The following PAM variants were observed in gnomAD, a reference collection of about 807,000 sequenced individuals.
PAM encodes peptidyl-glycine alpha-amidating monooxygenase.
In PAM, 72 loss-of-function variants were observed where a neutral mutation model predicts 122.1. The ratio of observed to expected loss-of-function variants is 0.59; its 90% confidence interval spans 0.49 to 0.72. The LOEUF is 0.72. PAM is among the 30% of genes least tolerant of loss of function. PAM has a pLI of 0.00. For synonymous variants in PAM, 389 were observed against 404.4 expected (o/e 0.96, Z 0.46); for missense variants, 1,106 against 1,183.7 (o/e 0.93, Z 0.96).
At chr5:102,772,975 G>A (rs1756219065) in intron 1 of PAM, among the ~76,000 whole-genome samples, 1 of 152,056 alleles carries the variant, frequency 6.6e-6, no homozygotes, top group African/African-American at 2.4e-5. Context: ...TAATATCAAG[G>A]TTTTGGCAGT....
At chr5:102,954,858 T>C (rs768121426) in intron 12 of PAM, among the ~76,000 whole-genome samples, 1 of 152,128 alleles carries the variant, frequency 6.6e-6, no homozygotes, top group Non-Finnish European at 1.5e-5. Context: ...GTTTTGTTGG[T>C]CATACCTTTC....
At chr5:102,817,014 A>G (rs1770067637) in intron 1 of PAM, among the ~76,000 whole-genome samples, 1 of 152,082 alleles carries the variant, frequency 6.6e-6, no homozygotes, top group South Asian at 2.1e-4. Context: ...AGAAATCATC[A>G]ATATTAACAT....
intron 1 of PAM, among the ~76,000 whole-genome samples, chr5:102,774,160 G>A (rs546313670): frequency 4.3e-4 from 66 of 152,170 alleles, no homozygotes; most frequent in Admixed American, 2.5e-3. Flanking sequence ...TGTGAATAGC[G>A]CTGCAGTGAA....
At chr5:102,842,130 A>C (rs1274651474) in intron 1 of PAM, among the ~76,000 whole-genome samples, 4 of 152,042 alleles carry the variant, frequency 2.6e-5, no homozygotes, top group Admixed American at 2.0e-4. Context: ...AGATGAGAGA[A>C]GGACTTACAA....
At chr5:103,011,957 A>G (rs1315491429) in intron 21 of PAM, among the ~76,000 whole-genome samples, 1 of 152,194 alleles carries the variant, frequency 6.6e-6, no homozygotes. Context: ...AGTCATTTTA[A>G]CTGGTGTTAG....
At chr5:102,769,883 A>G (rs185554404) in intron 1 of PAM, among the ~76,000 whole-genome samples, 1 of 151,960 alleles carries the variant, frequency 6.6e-6, no homozygotes, top group African/African-American at 2.4e-5. Flanking sequence ...TCTCACTTCT[A>G]TGGAGAATTT....
intron 1 of PAM, among the ~76,000 whole-genome samples, chr5:102,815,453 A>T (rs937423327): frequency 6.6e-6 from 1 of 152,166 alleles, no homozygotes; most frequent in African/African-American, 2.4e-5. Context: ...CTTCTGCATT[A>T]AATTACTAGT....
At position 102,766,926 on chromosome 5, in the gene PAM, A is replaced by ATTTTTTTTTTTTTTTTTTTTTTTTTT; in HGVS notation, c.-374+11584_-374+11609dup. On this transcript the variant is annotated intron_variant, in intron 1 of 25. Coordinates refer to ENST00000438793, the MANE Select transcript of PAM (RefSeq NM_001177306.2). ...ATTTATTTTATTGCTTCAGTTGTGG[A>ATTTTTTTTTTTTTTTTTTTTTTTTTT]TTTTTTTTTTTTTTTTTTTTTTTTT... Among the ~76,000 whole-genome samples the ATTTTTTTTTTTTTTTTTTTTTTTTTT allele has an allele frequency of 1.3e-3, 34 of 25,854 alleles. 13 individuals carry two copies. The highest frequency in any genetic ancestry group is 5.7e-3 in the East Asian group (4 of 702). 17.0% of individuals were successfully genotyped at this position (25,854 alleles called of 152,430 possible).
intron 21 of PAM, among the ~76,000 whole-genome samples, chr5:103,013,037 G>C (rs1299498455): frequency 6.6e-6 from 1 of 152,072 alleles, no homozygotes; most frequent in African/African-American, 2.4e-5. Context: ...TTTTTGCTCA[G>C]GTTAGTTTTG....
chr5:102,820,393 A>T (rs1229816617), intron 1 of PAM, among the ~76,000 whole-genome samples: 6 of 152,206 alleles, frequency 3.9e-5, no homozygotes, highest in Non-Finnish European at 7.3e-5. Flanking sequence ...TAAAATTTTT[A>T]TAACTGTTAG....
At chr5:102,886,101 C>T (rs1793004461) in intron 3 of PAM, among the ~76,000 whole-genome samples, 1 of 151,976 alleles carries the variant, frequency 6.6e-6, no homozygotes, top group South Asian at 2.1e-4. Context: ...AGATAGTTTC[C>T]TTGCATTTGC....
At chr5:102,760,832 G>A (rs994681503) in intron 1 of PAM, among the ~76,000 whole-genome samples, 1 of 150,884 alleles carries the variant, frequency 6.6e-6, no homozygotes, top group Non-Finnish European at 1.5e-5. Flanking sequence ...CAGGCCTCTT[G>A]GGGAAAAGAA....
In PAM at chr5:103,029,211, T is replaced by C; in HGVS notation, c.*146T>C. 1 of 539,232 alleles carries C rather than the reference T, an allele frequency of 1.9e-6. No homozygotes were observed. The highest frequency in any genetic ancestry group is 3.4e-5 in the East Asian group (1 of 29,386). The allele number at this position is 539,232 out of a possible 1,614,324, so 33.4% of individuals were successfully genotyped here. ...CACACTTTATTTACTTCGTTTTGGT[T>C]AAGTTGGCTTCTGTTTCTAGTTGAG... On this transcript the variant is annotated 3_prime_UTR_variant, in exon 26 of 26. Transcript: ENST00000438793.
At chr5:102,988,361 G>A (rs1772675309) in intron 15 of PAM, among the ~76,000 whole-genome samples, 2 of 143,026 alleles carry the variant, frequency 1.4e-5, no homozygotes, top group Admixed American at 1.3e-4. Context: ...AGGATTCTGG[G>A]CCCTCTCCTA....
chr5:102,988,981 G>A (rs747911368), intron 15 of PAM, among the ~76,000 whole-genome samples: 6 of 152,182 alleles, frequency 3.9e-5, no homozygotes, highest in South Asian at 4.2e-4. Context: ...TTTAATGTCC[G>A]TCTTTGAGGA....
chr5:102,939,981 G>A (rs1754564185), intron 7 of PAM, among the ~76,000 whole-genome samples: 1 of 151,904 alleles, frequency 6.6e-6, no homozygotes, highest in Non-Finnish European at 1.5e-5. Context: ...TAGTTTTGCT[G>A]CCAGGTTACC....
At chr5:102,974,534 A>G in intron 15 of PAM, 98 bp downstream of exon 15, 1 of 751,844 alleles carries the variant, frequency 1.3e-6, no homozygotes, top group South Asian at 1.9e-5. Flanking sequence ...GAAAAAATTC[A>G]TCAATGAAAA....
intron 4 of PAM, among the ~76,000 whole-genome samples, chr5:102,909,774 T>G (rs1462199738): frequency 6.6e-6 from 1 of 151,860 alleles, no homozygotes; most frequent in Non-Finnish European, 1.5e-5. Flanking sequence ...CAAGCTAAGC[T>G]ATTTACAGTG....
At position 102,901,427 on chromosome 5, in the gene PAM, G is replaced by C; in HGVS notation, c.268+14G>C. On this transcript the variant is annotated intron_variant, in intron 4 of 25. Transcript: ENST00000438793. ...AAGCCTTCGTGAGTAAGTATTAATT[G>C]GATTGGGGGAGTAGCAGTTTAATGG... is the stretch of plus-strand genomic sequence containing the variant. 3.4e-6 allele frequency: 5 copies of C among 1,473,016 alleles called. No homozygotes were observed. The highest frequency in any genetic ancestry group is 4.7e-6 in the Non-Finnish European group (5 of 1,053,620). 91.2% of individuals were successfully genotyped at this position (1,473,016 alleles called of 1,614,324 possible). A position where few individuals can be genotyped will look rare whatever the true frequency, so the allele number is the denominator to read the frequency against.
Sources: gnomAD v4.1 joint callset for allele counts (sites outside exome capture counted in the v4.1 genomes callset) on GRCh38, gnomAD v4.1.1 for gene constraint, MANE v1.5 for transcripts, NCBI Gene and HGNC (gene_info 2026-07-23, HGNC 2026-07-21) for gene names.